The following SLIT2 variants were observed in gnomAD, a reference collection of about 807,000 sequenced individuals.
SLIT2 encodes the protein slit homolog 2 protein.
In SLIT2, 41 loss-of-function variants were observed where a neutral mutation model predicts 185.7. The ratio of observed to expected loss-of-function variants is 0.22; its 90% confidence interval spans 0.17 to 0.29. The LOEUF is 0.29. Among genes scored for constraint, SLIT2 ranks in the 10% least tolerant of loss-of-function variants. The pLI is 1.00. For missense variants in SLIT2, 1,571 were observed against 1,909.0 expected (o/e 0.82, Z 3.30); for synonymous variants, 693 against 680.2 (o/e 1.02, Z -0.29).
chr4:20,439,685 A>T (rs1729599834), intron 4 of SLIT2, among the ~76,000 whole-genome samples: 1 of 152,186 alleles, frequency 6.6e-6, no homozygotes, highest in Non-Finnish European at 1.5e-5. Flanking sequence ...GGGGAGCACA[A>T]TTCCATTTAT....
At position 20,252,141 on chromosome 4, in the gene SLIT2, G is replaced by C. The variant is rs868228978; in HGVS notation, c.-1675G>C. ...AGGGGAGCGCCGGGGGCCCGCAGCC[G>C]GCTCCGGAGGCGCGGGCCGGGTTTT... is the stretch of plus-strand genomic sequence containing the variant. On this transcript the variant is annotated 5_prime_UTR_variant, in exon 1 of 37. Transcript: ENST00000504154. Among the ~76,000 whole-genome samples the C allele has an allele frequency of 6.6e-6, 1 of 152,084 alleles. No homozygotes were observed. The highest frequency in any genetic ancestry group is 6.5e-5 in the Admixed American group (1 of 15,290).
At chr4:20,365,698 A>G in intron 4 of SLIT2, among the ~76,000 whole-genome samples, 1 of 152,102 alleles carries the variant, frequency 6.6e-6, no homozygotes, top group Admixed American at 6.6e-5. Context: ...GGACTGGGCC[A>G]GTGAAAGAAC....
intron 29 of SLIT2, among the ~76,000 whole-genome samples, chr4:20,584,474 T>A (rs1726879142): frequency 1.3e-5 from 2 of 152,342 alleles, no homozygotes; most frequent in Non-Finnish European, 2.9e-5. Context: ...AGGCACACTA[T>A]TGACAATTAC....
At chr4:20,530,292 CAG>C (rs1234542963) in intron 16 of SLIT2, among the ~76,000 whole-genome samples, 1 of 149,874 alleles carries the variant, frequency 6.7e-6, no homozygotes, top group Admixed American at 6.7e-5. Flanking sequence ...TTTTTTGAGA[CAG>C]AGTCTCACTA....
chr4:20,481,005 C>T (rs951754121), intron 6 of SLIT2, among the ~76,000 whole-genome samples: 2 of 151,954 alleles, frequency 1.3e-5, no homozygotes. Flanking sequence ...TGTAAGGTCA[C>T]TCAAATGTTC....
intron 4 of SLIT2, among the ~76,000 whole-genome samples, chr4:20,423,539 G>A (rs1728322609): frequency 6.6e-6 from 1 of 151,408 alleles, no homozygotes; most frequent in Admixed American, 6.6e-5. Context: ...ATTTCAAGGT[G>A]GAAGAAGAGA....
chr4:20,388,915 TATATATA>T (rs977359503), intron 4 of SLIT2, among the ~76,000 whole-genome samples: 5 of 146,164 alleles, frequency 3.4e-5, no homozygotes, highest in Non-Finnish European at 6.0e-5. Context: ...ATACATATAA[TATATATA>T]ATATATAATA....
At chr4:20,489,716 G>A (rs748432438) in intron 8 of SLIT2, among the ~76,000 whole-genome samples, 2 of 151,946 alleles carry the variant, frequency 1.3e-5, no homozygotes, top group South Asian at 2.1e-4. Flanking sequence ...TCTGGGAGGC[G>A]GAGATTGCAG....
intron 5 of SLIT2, among the ~76,000 whole-genome samples, chr4:20,470,329 G>T (rs1714845340): frequency 6.6e-6 from 1 of 152,044 alleles, no homozygotes; most frequent in South Asian, 2.1e-4. Flanking sequence ...AATGGAAAAA[G>T]AAAATATAAT....
intron 29 of SLIT2, among the ~76,000 whole-genome samples, chr4:20,586,253 T>C (rs1727049780): frequency 2.0e-5 from 3 of 152,172 alleles, no homozygotes; most frequent in Admixed American, 2.0e-4. Context: ...ACAGTAATGT[T>C]TAAAGAGAAT....
rs1353700962 is a variant in SLIT2, at chr4:20,253,697, C to T, written c.-119C>T. On this transcript the variant is annotated 5_prime_UTR_variant, in exon 1 of 37. Coordinates refer to ENST00000504154, the MANE Select transcript of SLIT2 (RefSeq NM_004787.4). ...CCATATTATTTGGTGCACATTTTCC[C>T]TGGCACTCTGGGTTGCTAGCCCCGC... 4.9e-6 allele frequency: 6 copies of T among 1,222,420 alleles called. No homozygotes were observed. In the African/African-American group the frequency reaches 7.5e-5, roughly 15 times the overall value. 75.7% of individuals were successfully genotyped at this position (1,222,420 alleles called of 1,614,324 possible).
chr4:20,345,753 C>G (rs1239558033), intron 4 of SLIT2, among the ~76,000 whole-genome samples: 2 of 151,860 alleles, frequency 1.3e-5, no homozygotes, highest in Non-Finnish European at 2.9e-5. Flanking sequence ...CCAGAATGGT[C>G]TCGATCTCCT....
At chr4:20,404,010 A>G (rs1039269148) in intron 4 of SLIT2, among the ~76,000 whole-genome samples, 5 of 151,970 alleles carry the variant, frequency 3.3e-5, no homozygotes, top group Non-Finnish European at 7.4e-5. Flanking sequence ...AAGATGAATT[A>G]TTTATCTACA....
intron 4 of SLIT2, among the ~76,000 whole-genome samples, chr4:20,285,639 C>A (rs950340695): frequency 3.3e-5 from 5 of 152,104 alleles, no homozygotes; most frequent in Non-Finnish European, 7.3e-5. Flanking sequence ...ACCTATGCCT[C>A]CTGATTCAAG....
At chr4:20,416,802 C>T (rs145103215) in intron 4 of SLIT2, among the ~76,000 whole-genome samples, 2 of 152,190 alleles carry the variant, frequency 1.3e-5, no homozygotes, top group Non-Finnish European at 2.9e-5. Flanking sequence ...ACAAGTCTTT[C>T]ATTCAGTTCT....
At chr4:20,449,279 G>A (rs879335914) in intron 4 of SLIT2, among the ~76,000 whole-genome samples, 7 of 152,126 alleles carry the variant, frequency 4.6e-5, no homozygotes, top group Non-Finnish European at 4.4e-5. Flanking sequence ...TACTTATGGG[G>A]ACACTTTGCC....
intron 4 of SLIT2, among the ~76,000 whole-genome samples, chr4:20,353,277 A>G (rs1722031448): frequency 6.6e-6 from 1 of 152,196 alleles, no homozygotes; most frequent in Non-Finnish European, 1.5e-5. Flanking sequence ...CACAGGAAAA[A>G]AAGGAGCTTT....
chr4:20,369,155 A>G (rs1319839847), intron 4 of SLIT2, among the ~76,000 whole-genome samples: 1 of 152,040 alleles, frequency 6.6e-6, no homozygotes, highest in Admixed American at 6.6e-5. Flanking sequence ...GGTCCAGGGA[A>G]CAGGGCTGAA....
At chr4:20,334,149 T>C (rs1311125651) in intron 4 of SLIT2, among the ~76,000 whole-genome samples, 2 of 152,152 alleles carry the variant, frequency 1.3e-5, no homozygotes, top group African/African-American at 4.8e-5. Context: ...TATCCCTCGC[T>C]AGAGAAATTA....
Sources: gnomAD v4.1 joint callset for allele counts (sites outside exome capture counted in the v4.1 genomes callset) on GRCh38, gnomAD v4.1.1 for gene constraint, MANE v1.5 for transcripts, NCBI Gene and HGNC (gene_info 2026-07-23, HGNC 2026-07-21) for gene names.